Variants in MAP3K7CL observed in about 807,000 individuals in gnomAD.
The protein encoded by MAP3K7CL is MAP3K7 C-terminal like, also known as MAP3K7 C-terminal-like protein.
Under a neutral mutation model 18.6 loss-of-function variants are expected in MAP3K7CL, and 16 were observed. The observed-to-expected ratio is 0.86, with a 90% CI of 0.58 to 1.31. The LOEUF is 1.31. Ranked by LOEUF, MAP3K7CL falls within the 50% of genes most tolerant of loss-of-function variation. The pLI, the probability that MAP3K7CL is intolerant of heterozygous loss-of-function variation, is 0.00. For synonymous variants in MAP3K7CL, 65 were observed against 66.8 expected (o/e 0.97, Z 0.13); for missense variants, 163 against 174.4 (o/e 0.93, Z 0.37).
intron 4 of MAP3K7CL, among the ~76,000 whole-genome samples, chr21:29,101,221 A>G (rs1035767780): frequency 9.9e-5 from 15 of 152,110 alleles, no homozygotes; most frequent in Non-Finnish European, 1.9e-4. Context: ...TGCCATTTAC[A>G]TGGGTGTGAA....
upstream of MAP3K7CL, among the ~76,000 whole-genome samples, chr21:29,084,045 ATATTATATGTATATATACAT>A (rs2085883970): frequency 6.8e-6 from 1 of 148,006 alleles, no homozygotes; most frequent in East Asian, 1.9e-4. Flanking sequence ...ATTATATATA[ATATTATATGTATATATACAT>A]GTATAATATG....
In MAP3K7CL at chr21:29,163,126, A is replaced by G. The variant is rs576651969; in HGVS notation, c.248+3070A>G. On this transcript the variant is annotated intron_variant, in intron 4 of 4. Transcript: ENST00000399928. Reference sequence around the variant, plus strand: ...ACTGTCTCAAAAAAATAAAAATAAAAAATAAAAAAAGGAAAAGTCAACTTC... The same window carrying G: ...ACTGTCTCAAAAAAATAAAAATAAAGAATAAAAAAAGGAAAAGTCAACTTC... 2.0e-5 allele frequency among the ~76,000 whole-genome samples: 3 copies of G among 152,260 alleles called. No homozygotes were observed. The South Asian group carries it at 6.2e-4, about 32-fold the overall frequency.
intron 1 of MAP3K7CL, among the ~76,000 whole-genome samples, chr21:29,089,167 TCAAAAAAAAAAAAA>T: frequency 2.8e-5 from 1 of 35,482 alleles, no homozygotes; most frequent in South Asian, 1.3e-3. Context: ...AGACTCCGTC[TCAAAAAAAAAAAAA>T]AAAAAAAAAA....
intron 4 of MAP3K7CL, chr21:29,109,039 G>A (rs1339645959): frequency 2.0e-6 from 3 of 1,530,132 alleles, no homozygotes; most frequent in Non-Finnish European, 2.6e-6. Context: ...CTTCCTACTA[G>A]GTTGACATTC....
At position 29,164,004 on chromosome 21, in the gene MAP3K7CL, G is replaced by A. The variant is rs756307996; in HGVS notation, c.248+3948G>A. Among the ~76,000 whole-genome samples, 4 of 151,952 alleles carry A rather than the reference G, an allele frequency of 2.6e-5. No individual in the cohort carries two copies. In the South Asian group the frequency reaches 8.3e-4, roughly 32 times the overall value. The stretch of plus-strand genomic sequence containing the variant: ...CAATATCAGCAATAAAGGACTGCTA[G>A]GAGGAAAATTGCTCGAACTCGGGAG... On this transcript the variant is annotated intron_variant, in intron 4 of 4. Transcript: ENST00000399928.
chr21:29,118,417 C>T (rs2086540048), intron 4 of MAP3K7CL, among the ~76,000 whole-genome samples: 1 of 151,352 alleles, frequency 6.6e-6, no homozygotes, highest in African/African-American at 2.4e-5. Context: ...ACTTGCATCC[C>T]AGGTTCAATT....
At chr21:29,124,971 A>T (rs1220627002) in intron 4 of MAP3K7CL, among the ~76,000 whole-genome samples, 1 of 152,194 alleles carries the variant, frequency 6.6e-6, no homozygotes, top group Non-Finnish European at 1.5e-5. Flanking sequence ...AAGTTTGTCA[A>T]CCTAGATGAA....
At chr21:29,109,524 C>T in intron 4 of MAP3K7CL, 1 of 1,063,596 alleles carries the variant, frequency 9.4e-7, no homozygotes, top group South Asian at 3.8e-5. Context: ...TAGATTTTGA[C>T]CAGCAATTCC....
At chr21:29,119,200 G>T (rs983514769) in intron 4 of MAP3K7CL, among the ~76,000 whole-genome samples, 55 of 152,152 alleles carry the variant, frequency 3.6e-4, no homozygotes, top group African/African-American at 1.2e-3. Context: ...TATTAGGCTC[G>T]TGTAAATGTA....
intron 3 of MAP3K7CL, among the ~76,000 whole-genome samples, chr21:29,150,667 T>A (rs1274031264): frequency 6.6e-6 from 1 of 152,066 alleles, no homozygotes; most frequent in African/African-American, 2.4e-5. Context: ...CCAGCTCTCC[T>A]GGCTTCTAAT....
intron 4 of MAP3K7CL, among the ~76,000 whole-genome samples, chr21:29,118,848 A>T (rs1347785542): frequency 6.6e-6 from 1 of 152,356 alleles, no homozygotes; most frequent in East Asian, 1.9e-4. Flanking sequence ...TTTTTCTTTA[A>T]GTTGTGCATG....
At position 29,174,811 on chromosome 21, in the gene MAP3K7CL, G is replaced by A. The variant is rs143395819; in HGVS notation, c.348G>A (p.Thr116=). 267 of 1,614,140 alleles carry A rather than the reference G, an allele frequency of 1.7e-4. No homozygotes were observed. Among genetic ancestry groups the A allele is most frequent in the Middle Eastern group, 1.3e-3 (8 of 6,062 alleles). ...EFEALTEENR[T]LRLAQSQCVE... ...AGGCTCTGACGGAGGAGAATCGGAC[G>A]TTGAGGTTGGCCCAGTCTCAATGTG... Residue 116 remains threonine, a synonymous_variant, in exon 5 of 5, where the codon ACG becomes ACA. Coordinates refer to ENST00000399928, the MANE Select transcript of MAP3K7CL (RefSeq NM_001286620.2).
In MAP3K7CL at chr21:29,106,561, T is replaced by C. The variant is rs1206812682; in HGVS notation, c.370+13980T>C. Among the ~76,000 whole-genome samples the C allele has an allele frequency of 2.6e-5, 4 of 152,184 alleles. No individual in the cohort carries two copies. The South Asian group carries it at 8.3e-4, about 32-fold the overall frequency. ...ATCCACTTCTCTCAGTCTGGGGCCC[T>C]TGCACTGATCACAATCTGTACAACC... On this transcript the variant is annotated intron_variant, in intron 4 of 6. Coordinates refer to the MAP3K7CL transcript ENST00000286791.
At chr21:29,083,285 C>T (rs2085867322), upstream of MAP3K7CL, among the ~76,000 whole-genome samples, 1 of 134,400 alleles carries the variant, frequency 7.4e-6, no homozygotes, top group South Asian at 2.7e-4. Context: ...GAGCAAAATT[C>T]CCTCAATGCC....
chr21:29,144,742 T>G (rs770573683), intron 2 of MAP3K7CL, among the ~76,000 whole-genome samples: 26 of 152,262 alleles, frequency 1.7e-4, no homozygotes, highest in Non-Finnish European at 3.2e-4. Flanking sequence ...CTATCATTGC[T>G]AAATAACAGG....
intron 4 of MAP3K7CL, among the ~76,000 whole-genome samples, chr21:29,162,181 A>C (rs373852350): frequency 3.4e-4 from 52 of 152,188 alleles, no homozygotes; most frequent in African/African-American, 1.1e-3. Context: ...CTGTAAATGT[A>C]TCTTCTGGTG....
intron 2 of MAP3K7CL, among the ~76,000 whole-genome samples, chr21:29,144,954 A>G (rs1360259171): frequency 3.3e-5 from 5 of 152,246 alleles, no homozygotes; most frequent in Non-Finnish European, 7.3e-5. Context: ...GTTCTAGCTT[A>G]AGGACGTTGG....
intron 4 of MAP3K7CL, among the ~76,000 whole-genome samples, chr21:29,172,807 A>G (rs1250282377): frequency 6.6e-6 from 1 of 151,752 alleles, no homozygotes; most frequent in South Asian, 2.1e-4. Context: ...GATTATTGAA[A>G]CATTACAGGT....
At chr21:29,085,537 ACT>A (rs1386613294), upstream of MAP3K7CL, among the ~76,000 whole-genome samples, 2 of 122,852 alleles carry the variant, frequency 1.6e-5, no homozygotes, top group South Asian at 3.1e-4. Flanking sequence ...ACAGAGCCAG[ACT>A]CTGTCTAAAA....
Sources: gnomAD v4.1 joint callset for allele counts (sites outside exome capture counted in the v4.1 genomes callset) on GRCh38, gnomAD v4.1.1 for gene constraint, MANE v1.5 for transcripts, NCBI Gene and HGNC (gene_info 2026-07-23, HGNC 2026-07-21) for gene names.